SBF2: variants seen among roughly 807,000 people sequenced by gnomAD.
SBF2 encodes SET binding factor 2, also known as myotubularin-related protein 13.
In SBF2, 112 loss-of-function variants were observed where a neutral mutation model predicts 225.2. The observed-to-expected ratio is 0.50, with a 90% CI of 0.43 to 0.58. SBF2 has a LOEUF of 0.58. SBF2 is among the 20% of genes least tolerant of loss of function. SBF2 has a pLI of 0.00. For synonymous variants in SBF2, 763 were observed against 773.3 expected, an observed-to-expected ratio of 0.99 and a Z score of 0.22; for missense variants, 1,996 against 2,206.2, an observed-to-expected ratio of 0.90 and a Z score of 1.91.
At chr11:9,994,304 C>T (rs1358074679) in intron 9 of SBF2, among the ~76,000 whole-genome samples, 2 of 151,600 alleles carry the variant, frequency 1.3e-5, no homozygotes, top group Non-Finnish European at 2.9e-5. Flanking sequence ...GAAACCCCAT[C>T]TCTACTAAAA....
chr11:10,172,933 G>T (rs937488835), intron 2 of SBF2, among the ~76,000 whole-genome samples: 1 of 152,210 alleles, frequency 6.6e-6, no homozygotes, highest in Non-Finnish European at 1.5e-5. Flanking sequence ...CTCCCAAAGT[G>T]CTGGGACTAC....
chr11:10,242,920 A>G (rs953351859), intron 1 of SBF2, among the ~76,000 whole-genome samples: 1 of 152,210 alleles, frequency 6.6e-6, no homozygotes, highest in Admixed American at 6.5e-5. Context: ...ATAATGAACA[A>G]ATCATCCAGA....
At chr11:9,943,484 C>G (rs1036164453) in intron 16 of SBF2, among the ~76,000 whole-genome samples, 1 of 151,764 alleles carries the variant, frequency 6.6e-6, no homozygotes, top group Non-Finnish European at 1.5e-5. Flanking sequence ...GTATAAGTAT[C>G]AAAGGACTGG....
chr11:10,280,266 G>A (rs1363107120), intron 1 of SBF2, among the ~76,000 whole-genome samples: 4 of 152,258 alleles, frequency 2.6e-5, no homozygotes, highest in South Asian at 2.1e-4. Flanking sequence ...CTCTTTAGAA[G>A]GGATGACTAA....
At chr11:10,264,337 G>T (rs1200720084) in intron 1 of SBF2, among the ~76,000 whole-genome samples, 1 of 152,062 alleles carries the variant, frequency 6.6e-6, no homozygotes, top group East Asian at 1.9e-4. Flanking sequence ...TTATAATAAA[G>T]ATCTCACCTA....
intron 25 of SBF2, among the ~76,000 whole-genome samples, chr11:9,841,332 A>G (rs760788472): frequency 6.6e-6 from 1 of 152,194 alleles, no homozygotes; most frequent in Non-Finnish European, 1.5e-5. Flanking sequence ...AAAAAAATTG[A>G]GTTAGAAGAG....
intron 2 of SBF2, among the ~76,000 whole-genome samples, chr11:10,066,406 A>T (rs1950625310): frequency 1.3e-5 from 2 of 151,850 alleles, no homozygotes; most frequent in African/African-American, 2.4e-5. Context: ...AGGCTAACAT[A>T]TCATGACCAA....
At chr11:10,088,358 G>C (rs2134900331) in intron 2 of SBF2, among the ~76,000 whole-genome samples, 1 of 152,266 alleles carries the variant, frequency 6.6e-6, no homozygotes, top group South Asian at 2.1e-4. Flanking sequence ...TAGTCTAAGA[G>C]ATGTGGCCAT....
intron 2 of SBF2, among the ~76,000 whole-genome samples, chr11:10,126,792 T>C (rs540509552): frequency 6.6e-6 from 1 of 152,178 alleles, no homozygotes; most frequent in South Asian, 2.1e-4. Context: ...CAACTGTCCA[T>C]CAATGGATGA....
chr11:9,790,659 T>C lies in SBF2; in HGVS notation c.4595A>G (p.Glu1532Gly). Reference sequence around the variant, plus strand: ...ACAGACTCCTTTTTTGGCATGCTTTTCTCCTTTATCATCAAATAAAGTTCC... The same window carrying C: ...ACAGACTCCTTTTTTGGCATGCTTTCCTCCTTTATCATCAAATAAAGTTCC... ...EHGTLFDDKGEKHAKKGVCIW... is the reference protein window; with the variant it reads ...EHGTLFDDKGGKHAKKGVCIW... Residue 1532 changes from glutamate (E) to glycine (G), a missense_variant, in exon 34 of 40, where the codon GAA (glutamate) becomes GGA (glycine). Coordinates refer to ENST00000256190, the MANE Select transcript of SBF2 (RefSeq NM_030962.4). The C allele has an allele frequency of 6.3e-7, 1 of 1,582,550 alleles. No homozygotes were observed. The highest frequency in any genetic ancestry group is 8.7e-7 in the Non-Finnish European group (1 of 1,152,828).
chr11:10,145,258 T>C (rs1954833504), intron 2 of SBF2, among the ~76,000 whole-genome samples: 1 of 152,138 alleles, frequency 6.6e-6, no homozygotes, highest in Non-Finnish European at 1.5e-5. Flanking sequence ...GTACCAACCC[T>C]TGGCCTTTCC....
chr11:9,996,155 A>C (rs1003488993), intron 9 of SBF2, among the ~76,000 whole-genome samples: 1 of 152,118 alleles, frequency 6.6e-6, no homozygotes, highest in Non-Finnish European at 1.5e-5. Flanking sequence ...TTGGCTTAAG[A>C]AGTACAATCT....
rs360119 is a variant in SBF2, at chr11:9,822,713, C to T, written c.3794-5689G>A. On this transcript the variant is annotated intron_variant, in intron 28 of 39. Transcript: ENST00000256190. The stretch of plus-strand genomic sequence containing the variant: ...GTTCAGAGAACTAGTGTTTCCTAAG[C>T]ACTGGTGTTATTTCCTCTACTCTGT... 6.6e-3 allele frequency among the ~76,000 whole-genome samples: 1,002 copies of T among 152,252 alleles called. 10 individuals are homozygous for T. The highest frequency in any genetic ancestry group is 0.023 in the African/African-American group (952 of 41,530).
intron 17 of SBF2, among the ~76,000 whole-genome samples, chr11:9,894,919 T>C (rs1405242531): frequency 6.6e-6 from 1 of 151,116 alleles, no homozygotes. Context: ...GAGGAGGAGG[T>C]TGCAATGAGC....
intron 1 of SBF2, among the ~76,000 whole-genome samples, chr11:10,257,940 G>C (rs1363355981): frequency 1.3e-5 from 2 of 152,092 alleles, no homozygotes; most frequent in African/African-American, 4.8e-5. Context: ...CTGGGTGATA[G>C]AGCAAGACTG....
rs1446017002 is a variant in SBF2 at position 9,809,413 on chromosome 11, T to C, written c.4156-411A>G. 4.1e-5 allele frequency: 7 copies of C among 171,964 alleles called. No homozygotes were observed. In the East Asian group the frequency reaches 1.1e-3, roughly 27 times the overall value. 10.7% of individuals were successfully genotyped at this position (171,964 alleles called of 1,614,324 possible). On this transcript the variant is annotated intron_variant, in intron 30 of 39. Transcript: ENST00000256190. ...CTTACATGATTCCCCCAAAAGTAGG[T>C]GAGCTATAATTCCATAGAGTACAAA...
intron 2 of SBF2, among the ~76,000 whole-genome samples, chr11:10,169,773 C>T (rs562444334): frequency 8.5e-5 from 13 of 152,256 alleles, no homozygotes; most frequent in Non-Finnish European, 1.9e-4. Flanking sequence ...TCCATAGTGG[C>T]TTTAGCAATT....
At chr11:9,804,478 C>G (rs760695684) in intron 32 of SBF2, among the ~76,000 whole-genome samples, 7 of 152,166 alleles carry the variant, frequency 4.6e-5, no homozygotes, top group African/African-American at 1.4e-4. Flanking sequence ...AATTTCCCTA[C>G]TTTAAGTGTA....
At chr11:10,184,540 T>G (rs1336588003) in intron 2 of SBF2, among the ~76,000 whole-genome samples, 3 of 152,182 alleles carry the variant, frequency 2.0e-5, no homozygotes, top group Non-Finnish European at 2.9e-5. Flanking sequence ...ATTCACACTG[T>G]TGTGCAACTA....
Sources: gnomAD v4.1 joint callset for allele counts (sites outside exome capture counted in the v4.1 genomes callset) on GRCh38, gnomAD v4.1.1 for gene constraint, MANE v1.5 for transcripts, NCBI Gene and HGNC (gene_info 2026-07-23, HGNC 2026-07-21) for gene names.